ELAPOR1: variants seen among roughly 807,000 people sequenced by gnomAD.
ELAPOR1 encodes endosome/lysosome-associated apoptosis and autophagy regulator 1.
Under a neutral mutation model 119.7 loss-of-function variants are expected in ELAPOR1, and 77 were observed. That is an observed-to-expected ratio of 0.64 (90% CI 0.54 to 0.78). ELAPOR1 has a LOEUF of 0.78. Ranked by LOEUF, ELAPOR1 falls within the 30% of genes least tolerant of loss-of-function variation. The pLI is 0.00. For missense variants in ELAPOR1, 1,115 were observed against 1,270.4 expected (o/e 0.88, Z 1.86); for synonymous variants, 481 against 487.2 (o/e 0.99, Z 0.17).
Position 109,203,133 on chromosome 1 carries a change from C to A in ELAPOR1, c.*121C>A. The stretch of plus-strand genomic sequence containing the variant: ...GGAAATCTCTTCATTGTGGCCTTAT[C>A]AGATGTTTGAATTTCAGATCTTTTT... On this transcript the variant is annotated 3_prime_UTR_variant, in exon 22 of 22. Coordinates refer to ENST00000369939, the MANE Select transcript of ELAPOR1 (RefSeq NM_020775.5). The A allele has an allele frequency of 1.5e-6, 1 of 669,762 alleles. No homozygotes were observed. Among genetic ancestry groups the A allele is most frequent in the Non-Finnish European group, 2.6e-6 (1 of 381,478 alleles). The allele number at this position is 669,762 out of a possible 1,614,324, so 41.5% of individuals were successfully genotyped here.
intron 7 of ELAPOR1, among the ~76,000 whole-genome samples, chr1:109,175,348 G>A (rs1264750636): frequency 2.0e-5 from 3 of 150,660 alleles, no homozygotes; most frequent in Non-Finnish European, 3.0e-5. Context: ...GATTACAGGC[G>A]TGCACCACCA....
intron 1 of ELAPOR1, among the ~76,000 whole-genome samples, chr1:109,143,008 A>G (rs7523615): frequency 0.18 from 27,537 of 151,412 alleles, 2,870 homozygotes; most frequent in African/African-American, 0.29. Flanking sequence ...GGAGTGCAGT[A>G]GTGCGATCTC....
chr1:109,144,658 C>T (rs113027752), intron 1 of ELAPOR1, among the ~76,000 whole-genome samples: 5,451 of 152,168 alleles, frequency 0.036, 338 homozygotes, highest in African/African-American at 0.12. Flanking sequence ...AGGAGAATCT[C>T]TTGAACCTGG....
intron 1 of ELAPOR1, among the ~76,000 whole-genome samples, chr1:109,152,485 T>G (rs925422798): frequency 1.3e-5 from 2 of 152,172 alleles, no homozygotes; most frequent in African/African-American, 4.8e-5. Context: ...GGCTCTGTCT[T>G]TTCTCTCTGG....
intron 2 of ELAPOR1, among the ~76,000 whole-genome samples, 186 bp downstream of exon 2, chr1:109,162,200 A>G (rs894631892): frequency 6.6e-6 from 1 of 152,258 alleles, no homozygotes; most frequent in Non-Finnish European, 1.5e-5. Flanking sequence ...CATGAATGCA[A>G]ACTGGATATC....
intron 1 of ELAPOR1, among the ~76,000 whole-genome samples, chr1:109,139,781 C>CT (rs1346675245): frequency 6.6e-6 from 1 of 151,332 alleles, no homozygotes; most frequent in South Asian, 2.1e-4. Context: ...ATTTTTTTTC[C>CT]TTTTTTTTGA....
In ELAPOR1 at chr1:109,183,614, T is replaced by C. The variant is rs748671027; in HGVS notation, c.953-1431T>C. 3.7e-3 allele frequency among the ~76,000 whole-genome samples: 305 copies of C among 82,760 alleles called. 4 individuals are homozygous for C. The highest frequency in any genetic ancestry group is 9.1e-3 in the African/African-American group (186 of 20,530). The allele number at this position is 82,760 out of a possible 152,430, so 54.3% of individuals were successfully genotyped here. ...CTTCCTTCCTTCCTTCCTTCCATCC[T>C]TCCCTCCTTCCTTCCTTCCTTCCTA... On this transcript the variant is annotated intron_variant, in intron 7 of 21. Transcript: ENST00000369939.
At chr1:109,152,395 A>G (rs1197087337) in intron 1 of ELAPOR1, among the ~76,000 whole-genome samples, 1 of 152,150 alleles carries the variant, frequency 6.6e-6, no homozygotes, top group Non-Finnish European at 1.5e-5. Flanking sequence ...AACCCAAGTC[A>G]TGTTGATCTT....
intron 7 of ELAPOR1, 124 bp from the exon 8 acceptor site, chr1:109,184,921 C>A: frequency 1.3e-6 from 1 of 744,544 alleles, no homozygotes; most frequent in African/African-American, 1.7e-5. Context: ...GCAGGATTTT[C>A]TACTTCCGGC....
At chr1:109,193,661 T>C (rs1653591130) in intron 14 of ELAPOR1, among the ~76,000 whole-genome samples, 1 of 152,264 alleles carries the variant, frequency 6.6e-6, no homozygotes. Flanking sequence ...TCGATGCTTT[T>C]AAATGAATTT....
chr1:109,155,733 G>C (rs1216506514), intron 1 of ELAPOR1, among the ~76,000 whole-genome samples: 1 of 152,164 alleles, frequency 6.6e-6, no homozygotes, highest in African/African-American at 2.4e-5. Flanking sequence ...ATAAGCGTGA[G>C]GGAACACCAC....
At chr1:109,161,081 T>C (rs1379575327) in intron 1 of ELAPOR1, among the ~76,000 whole-genome samples, 2 of 152,104 alleles carry the variant, frequency 1.3e-5, no homozygotes, top group Non-Finnish European at 2.9e-5. Context: ...CAATTGGGAA[T>C]TCATAGTCTT....
intron 11 of ELAPOR1, 125 bp downstream of exon 11, chr1:109,189,807 G>C (rs550445241): frequency 2.7e-6 from 2 of 730,054 alleles, no homozygotes; most frequent in Non-Finnish European, 4.7e-6. Flanking sequence ...AATGTCAGTT[G>C]AGAACAGAGG....
chr1:109,199,926 C>G lies in ELAPOR1; in HGVS notation c.2574C>G (p.Leu858=). The G allele has an allele frequency of 6.2e-7, 1 of 1,614,070 alleles. No homozygotes were observed. ...FLWESAAACP[L]CSVADYHAIV... is the part of the protein sequence containing the mutation. ...GGGAGAGCGCGGCTGCTTGCCCGCT[C>G]TGCTCAGTGGCTGACTACCATGCTA... The change falls in exon 19 of 22, where the codon CTC becomes CTG. Residue 858 remains leucine (L), a synonymous_variant. Transcript: ENST00000369939.
chr1:109,158,891 CTTTTT>C (rs543781555), intron 1 of ELAPOR1, among the ~76,000 whole-genome samples: 11 of 128,732 alleles, frequency 8.5e-5, no homozygotes, highest in African/African-American at 3.1e-4. Context: ...AAGCTTATGT[CTTTTT>C]TTTTTTTTTT....
At chr1:109,186,238 A>G (rs549505938) in intron 8 of ELAPOR1, among the ~76,000 whole-genome samples, 3 of 152,190 alleles carry the variant, frequency 2.0e-5, no homozygotes, top group Admixed American at 1.3e-4. Context: ...GCAGGAGAGG[A>G]GGCGGCAGCT....
At chr1:109,192,433 A>G (rs1311787650) in intron 13 of ELAPOR1, among the ~76,000 whole-genome samples, 178 bp from the exon 14 acceptor site, 1 of 152,216 alleles carries the variant, frequency 6.6e-6, no homozygotes, top group Non-Finnish European at 1.5e-5. Flanking sequence ...TCATTTTAAA[A>G]TGACATCAAA....
intron 7 of ELAPOR1, among the ~76,000 whole-genome samples, chr1:109,181,121 C>T (rs949880429): frequency 2.6e-5 from 4 of 152,132 alleles, no homozygotes; most frequent in Non-Finnish European, 5.9e-5. Context: ...AGAAGCTCAG[C>T]GACACTGAGG....
At chr1:109,141,718 T>G (rs1649838980) in intron 1 of ELAPOR1, among the ~76,000 whole-genome samples, 1 of 151,574 alleles carries the variant, frequency 6.6e-6, no homozygotes. Context: ...CAGGCTGGAG[T>G]GCAATGACGC....
Sources: allele counts gnomAD v4.1 joint callset (sites outside exome capture counted in the v4.1 genomes callset), GRCh38; gene constraint gnomAD v4.1.1; transcripts MANE v1.5; gene names NCBI Gene and HGNC (gene_info 2026-07-23, HGNC 2026-07-21).